The following FZD3 variants were observed in gnomAD, a reference collection of about 807,000 sequenced individuals.
FZD3 encodes the protein frizzled class receptor 3, also known as frizzled-3.
Under a neutral mutation model 60.7 loss-of-function variants are expected in FZD3, and 30 were observed. The ratio of observed to expected loss-of-function variants is 0.49; its 90% CI spans 0.37 to 0.67. The LOEUF (loss-of-function observed/expected upper bound fraction) is 0.67, where lower values mean the gene tolerates loss of function less well. FZD3 is among the 30% of genes least tolerant of loss of function. The pLI is 0.00. For missense variants in FZD3, 605 were observed against 838.7 expected (o/e 0.72, Z 3.44); for synonymous variants, 246 against 275.2 (o/e 0.89, Z 1.05).
chr8:28,532,429 A>T lies in FZD3; in HGVS notation c.1404+4265A>T, dbSNP rs184414336. On this transcript the variant is annotated intron_variant, in intron 5 of 7. Transcript: ENST00000240093. ...GGTGTACAGGCATGCCATTTAAAAA[A>T]TTTTTAATTTATTTATTGTGACAAA... Among the ~76,000 whole-genome samples, 21 of 152,234 alleles carry T rather than the reference A, an allele frequency of 1.4e-4. No homozygotes were observed. In the East Asian group the frequency reaches 3.3e-3, roughly 24 times the overall value.
At chr8:28,534,590 G>T (rs1804963189) in intron 5 of FZD3, among the ~76,000 whole-genome samples, 1 of 151,982 alleles carries the variant, frequency 6.6e-6, no homozygotes, top group African/African-American at 2.4e-5. Flanking sequence ...GTGAGACTCT[G>T]TACCCATTAA....
At chr8:28,529,292 G>C (rs999549796) in intron 5 of FZD3, among the ~76,000 whole-genome samples, 1 of 151,976 alleles carries the variant, frequency 6.6e-6, no homozygotes, top group African/African-American at 2.4e-5. Flanking sequence ...TCATTTTCCA[G>C]ATTTCCTCTT....
chr8:28,520,224 A>C (rs550194497), intron 3 of FZD3, among the ~76,000 whole-genome samples: 81 of 149,998 alleles, frequency 5.4e-4, no homozygotes, highest in African/African-American at 1.9e-3. Flanking sequence ...AAAACAACAA[A>C]AAAAAAAAAA....
chr8:28,555,829 A>G lies in FZD3; in HGVS notation c.1645A>G (p.Arg549Gly). Residue 549 changes from arginine to glycine, a missense_variant, in exon 7 of 8, where the codon AGG (arginine) becomes GGG (glycine). Coordinates refer to ENST00000240093, the MANE Select transcript of FZD3 (RefSeq NM_017412.4). ...DPNTPIIRKSRGTSTQGTSTH... is the reference protein window; with the variant it reads ...DPNTPIIRKSGGTSTQGTSTH... ...AAATACTCCTATCATAAGAAAGTCA[A>G]GGGGAACTTCCACTCAAGGAACATC... 1 of 1,613,564 alleles carries G rather than the reference A, an allele frequency of 6.2e-7. No homozygotes were observed. Among genetic ancestry groups the G allele is most frequent in the Non-Finnish European group, 8.5e-7 (1 of 1,179,432 alleles).
At chr8:28,516,168 A>G (rs1362366196) in intron 3 of FZD3, among the ~76,000 whole-genome samples, 1 of 152,078 alleles carries the variant, frequency 6.6e-6, no homozygotes, top group Admixed American at 6.6e-5. Context: ...CTTTTTTCCC[A>G]TTGAACAGTC....
chr8:28,546,569 A>G (rs559058354), intron 5 of FZD3, among the ~76,000 whole-genome samples: 102 of 152,308 alleles, frequency 6.7e-4, no homozygotes, highest in South Asian at 8.3e-4. Context: ...GGTTATACCA[A>G]TTTACCAACA....
At chr8:28,554,093 T>A (rs1473803089) in intron 6 of FZD3, among the ~76,000 whole-genome samples, 1 of 152,256 alleles carries the variant, frequency 6.6e-6, no homozygotes, top group Non-Finnish European at 1.5e-5. Flanking sequence ...CAAATTAATG[T>A]TCTCCCCTTA....
At chr8:28,545,417 C>T (rs546080601) in intron 5 of FZD3, among the ~76,000 whole-genome samples, 6 of 152,230 alleles carry the variant, frequency 3.9e-5, no homozygotes, top group Non-Finnish European at 7.4e-5. Context: ...TGTGGAAGCC[C>T]AGGCTGGCCC....
intron 2 of FZD3, among the ~76,000 whole-genome samples, chr8:28,501,935 A>G (rs1804004780): frequency 6.6e-6 from 1 of 152,238 alleles, no homozygotes; most frequent in Admixed American, 6.5e-5. Context: ...AATATTTTAG[A>G]ACCTTCTATA....
intron 3 of FZD3, among the ~76,000 whole-genome samples, chr8:28,503,602 A>G (rs1357733053): frequency 2.0e-5 from 3 of 152,226 alleles, no homozygotes; most frequent in Non-Finnish European, 4.4e-5. Flanking sequence ...AATTCTTCAG[A>G]CATTTCTTAA....
intron 7 of FZD3, among the ~76,000 whole-genome samples, chr8:28,558,365 C>A (rs1380802927): frequency 6.6e-6 from 1 of 152,080 alleles, no homozygotes; most frequent in Admixed American, 6.5e-5. Context: ...TCAGTCATCA[C>A]CCTCCATGAA....
intron 3 of FZD3, among the ~76,000 whole-genome samples, chr8:28,519,587 C>T (rs1377503661): frequency 6.6e-6 from 1 of 151,692 alleles, no homozygotes; most frequent in Non-Finnish European, 1.5e-5. Flanking sequence ...AAAATTAACC[C>T]TGTGTGGTGG....
rs1356050640 is a variant in FZD3 at position 28,572,525 on chromosome 8, A to G, written c.*9514A>G. On this transcript the variant is annotated 3_prime_UTR_variant, in exon 8 of 8. Transcript: ENST00000240093. The stretch of plus-strand genomic sequence containing the variant: ...AAGCAAATACCTTTTGGAAGTATAT[A>G]TGTTACATAAGACTTTCACTAAATC... The G allele has an allele frequency of 6.6e-6, 1 of 152,216 alleles. No homozygotes were observed. The highest frequency in any genetic ancestry group is 1.5e-5 in the Non-Finnish European group (1 of 68,020). 9.4% of individuals were successfully genotyped at this position (152,216 alleles called of 1,614,324 possible). A position where few individuals can be genotyped will look rare whatever the true frequency, so the allele number is the denominator to read the frequency against.
chr8:28,501,792 G>C (rs1804001022), intron 2 of FZD3, among the ~76,000 whole-genome samples: 1 of 152,142 alleles, frequency 6.6e-6, no homozygotes, highest in African/African-American at 2.4e-5. Context: ...ACTTTTTAGG[G>C]ATGATTTCTA....
chr8:28,547,634 G>A (rs1805325104), intron 5 of FZD3, among the ~76,000 whole-genome samples: 1 of 152,124 alleles, frequency 6.6e-6, no homozygotes. Flanking sequence ...AGCTCTAGGT[G>A]TGTCTTTTGT....
In FZD3 at chr8:28,563,073, T is replaced by G; in HGVS notation, c.*62T>G. 9.4e-7 allele frequency: 1 copy of G among 1,068,924 alleles called. No homozygotes were observed. Among genetic ancestry groups the G allele is most frequent in the Non-Finnish European group, 1.5e-6 (1 of 685,784 alleles). 66.2% of individuals were successfully genotyped at this position (1,068,924 alleles called of 1,614,324 possible). The stretch of plus-strand genomic sequence containing the variant: ...AAAAGCAGATTTTATTCTTTGCCTT[T>G]TGCATGACTGATAGCTGTAACTCAC... On this transcript the variant is annotated 3_prime_UTR_variant, in exon 8 of 8. Transcript: ENST00000240093.
At chr8:28,561,349 G>C (rs145098966) in intron 7 of FZD3, among the ~76,000 whole-genome samples, 1 of 152,088 alleles carries the variant, frequency 6.6e-6, no homozygotes, top group South Asian at 2.1e-4. Context: ...GAGCCACTGC[G>C]CCCGGCCAAA....
chr8:28,546,446 T>A (rs1279484016), intron 5 of FZD3, among the ~76,000 whole-genome samples: 1 of 152,218 alleles, frequency 6.6e-6, no homozygotes, highest in East Asian at 1.9e-4. Flanking sequence ...ACATTATTAT[T>A]GTTTGAATGA....
chr8:28,516,006 G>T (rs909275808), intron 3 of FZD3, among the ~76,000 whole-genome samples: 2 of 152,104 alleles, frequency 1.3e-5, no homozygotes, highest in East Asian at 3.9e-4. Context: ...ATTTGCCCCT[G>T]TGTTTTCTTC....
Sources: allele counts gnomAD v4.1 joint callset (sites outside exome capture counted in the v4.1 genomes callset), GRCh38; gene constraint gnomAD v4.1.1; transcripts MANE v1.5; gene names NCBI Gene and HGNC (gene_info 2026-07-23, HGNC 2026-07-21).